TCTN1: variants seen among roughly 807,000 people sequenced by gnomAD.
The protein encoded by TCTN1 is tectonic-1.
TCTN1 carries 58 observed loss-of-function variants against 65.8 expected under a neutral mutation model. That is an observed-to-expected ratio of 0.88 (90% CI 0.71 to 1.10). The LOEUF (loss-of-function observed/expected upper bound fraction) is 1.10, where lower values mean the gene tolerates loss of function less well. Among genes scored for constraint, TCTN1 ranks in the 50% least tolerant of loss-of-function variants. The pLI, the probability that TCTN1 is intolerant of heterozygous loss-of-function variation, is 0.00. For missense variants in TCTN1, 645 were observed against 719.4 expected, an observed-to-expected ratio of 0.90 and a Z score of 1.18; for synonymous variants, 273 against 289.1, an observed-to-expected ratio of 0.94 and a Z score of 0.57.
chr12:110,636,668 A>T (rs1300152361), intron 7 of TCTN1, among the ~76,000 whole-genome samples, 167 bp downstream of exon 7: 1 of 152,146 alleles, frequency 6.6e-6, no homozygotes, highest in Non-Finnish European at 1.5e-5. Context: ...GAAACTCCTT[A>T]GTGGGAGTCA....
At chr12:110,638,978 C>CA (rs2066771328) in intron 7 of TCTN1, among the ~76,000 whole-genome samples, 1 of 152,238 alleles carries the variant, frequency 6.6e-6, no homozygotes, top group African/African-American at 2.4e-5. Context: ...CGTCACATGA[C>CA]AGCTCACGTC....
chr12:110,642,385 C>T lies in TCTN1; in HGVS notation c.1327C>T (p.Leu443=). ...FGYTMQSGCK[L]RLTGALPCQL... ...TTACACTATGCAATCTGGCTGTAAA[C>T]TAAGGTAAAAGAGTCACTTGTTTCT... Residue 443 remains leucine, a synonymous_variant, in exon 11 of 15, where the codon CTA becomes TTA. Coordinates refer to ENST00000397659, the MANE Select transcript of TCTN1 (RefSeq NM_001082538.3). 6.2e-7 allele frequency: 1 copy of T among 1,614,184 alleles called. No individual in the cohort carries two copies. Among genetic ancestry groups the T allele is most frequent in the Admixed American group, 1.7e-5 (1 of 60,022 alleles).
At chr12:110,622,904 G>A (rs957122875) in intron 2 of TCTN1, among the ~76,000 whole-genome samples, 3 of 152,136 alleles carry the variant, frequency 2.0e-5, no homozygotes, top group East Asian at 1.9e-4. Context: ...GCGGATTAAC[G>A]GTTTCCCTCC....
intron 14 of TCTN1, 143 bp from the exon 15 acceptor site, chr12:110,648,900 C>CTGA (rs1593414803): frequency 2.5e-6 from 1 of 398,132 alleles, no homozygotes; most frequent in East Asian, 7.5e-5. Flanking sequence ...TAGAAGCTGG[C>CTGA]TGATGCAGCT....
chr12:110,628,227 A>G, intron 3 of TCTN1: 1 of 1,535,712 alleles, frequency 6.5e-7, no homozygotes, highest in Non-Finnish European at 8.7e-7. Flanking sequence ...GTTTACTTGT[A>G]AGTGCTACAA....
At chr12:110,630,398 GGTCATCTT>G (rs1272538499) in intron 4 of TCTN1, 1 of 152,092 alleles carries the variant, frequency 6.6e-6, no homozygotes, top group Non-Finnish European at 1.5e-5. Flanking sequence ...TTGGTTGTCT[GGTCATCTT>G]CTCAAAATTG....
intron 7 of TCTN1, 81 bp downstream of exon 7, chr12:110,636,582 TAC>T (rs1257291297): frequency 6.8e-6 from 6 of 876,874 alleles, no homozygotes; most frequent in South Asian, 4.3e-5. Flanking sequence ...TTTAAATGAA[TAC>T]AGTTACAATT....
At chr12:110,635,472 C>T (rs2066505599) in intron 6 of TCTN1, among the ~76,000 whole-genome samples, 1 of 151,722 alleles carries the variant, frequency 6.6e-6, no homozygotes, top group Non-Finnish European at 1.5e-5. Flanking sequence ...AAAAAAAAAC[C>T]TTTTGTGTCA....
At chr12:110,642,161 C>G in intron 10 of TCTN1, 88 bp from the exon 11 acceptor site, 1 of 1,564,862 alleles carries the variant, frequency 6.4e-7, no homozygotes, top group African/African-American at 1.4e-5. Flanking sequence ...ATTTGGGTCT[C>G]CCTCATGTCA....
intron 4 of TCTN1, chr12:110,629,342 A>G (rs575691095): frequency 1.6e-5 from 3 of 190,620 alleles, no homozygotes; most frequent in Admixed American, 5.8e-5. Flanking sequence ...TTTGCAATCT[A>G]TCCATATGAC....
chr12:110,647,051 C>A, intron 12 of TCTN1, 145 bp from the exon 13 acceptor site: 1 of 950,338 alleles, frequency 1.1e-6, no homozygotes. Flanking sequence ...CGTATATTCT[C>A]TAAGCTGTTT....
chr12:110,642,482 C>T (rs1434547258), intron 11 of TCTN1, 93 bp downstream of exon 11: 2 of 1,562,366 alleles, frequency 1.3e-6, no homozygotes, highest in African/African-American at 2.7e-5. Flanking sequence ...TCTGCATCAG[C>T]TGATGAGCTC....
rs538678326 is a variant in TCTN1 at position 110,626,434 on chromosome 12, A to G, written c.414A>G (p.Arg138=). The change falls in exon 3 of 15, where the codon AGA becomes AGG. Residue 138 remains arginine (R), a synonymous_variant. Coordinates refer to ENST00000397659, the MANE Select transcript of TCTN1 (RefSeq NM_001082538.3). ...SLNFTANPPQ[R]VFELVDQINP... ...ATTTTACAGCAAACCCACCTCAAAG[A>G]GTATTTGAACTTGTTGACCAGATTA... 1 of 1,611,808 alleles carries G rather than the reference A, an allele frequency of 6.2e-7. No individual in the cohort carries two copies. The highest frequency in any genetic ancestry group is 1.3e-5 in the African/African-American group (1 of 75,014).
At chr12:110,623,764 T>C (rs2065617775) in intron 2 of TCTN1, among the ~76,000 whole-genome samples, 1 of 152,070 alleles carries the variant, frequency 6.6e-6, no homozygotes, top group Non-Finnish European at 1.5e-5. Context: ...AATTTTTTCT[T>C]TGTTTTCTGT....
intron 6 of TCTN1, chr12:110,635,811 A>C (rs1487761298): frequency 6.6e-6 from 1 of 152,276 alleles, no homozygotes; most frequent in African/African-American, 2.4e-5. Context: ...CTCTCCCCTC[A>C]TTTTCTCTCT....
At position 110,640,267 on chromosome 12, in the gene TCTN1, C is replaced by G; in HGVS notation, c.844-116C>G. 8.3e-7 allele frequency: 1 copy of G among 1,207,598 alleles called. No individual in the cohort carries two copies. The highest frequency in any genetic ancestry group is 1.5e-5 in the African/African-American group (1 of 67,124). The allele number at this position is 1,207,598 out of a possible 1,614,324, so 74.8% of individuals were successfully genotyped here. ...TCATAGTATATACACTGTTGTGTAG[C>G]ATGCTTCCCCCTACTTGGCCATATA... On this transcript the variant is annotated intron_variant, in intron 7 of 14. Coordinates refer to ENST00000397659, the MANE Select transcript of TCTN1 (RefSeq NM_001082538.3). This position sits in a 1 kb window ranked among gnomAD's most constrained non-coding sequence, Gnocchi z 4.9.
chr12:110,641,839 C>T (rs1566002071), intron 10 of TCTN1: 4 of 570,904 alleles, frequency 7.0e-6, no homozygotes, highest in Non-Finnish European at 1.2e-5. Context: ...TGAGACAGCA[C>T]GTCCTGGGAA....
At position 110,642,271 on chromosome 12, in the gene TCTN1, A is replaced by G. The variant is rs1331400682; in HGVS notation, c.1213A>G (p.Asn405Asp). 3 of 1,614,212 alleles carry G rather than the reference A, an allele frequency of 1.9e-6. No homozygotes were observed. The highest frequency in any genetic ancestry group is 2.7e-5 in the African/African-American group (2 of 75,044). The change falls in exon 11 of 15, where the codon AAT (asparagine) becomes GAT (aspartate). Residue 405 changes from asparagine to aspartate, a missense_variant. Asn to Asp is a conservative substitution (Grantham distance 23, BLOSUM62 1). Transcript: ENST00000397659. ...HKGSGIIQTTNRYGQLTILHS... is the reference protein window; with the variant it reads ...HKGSGIIQTTDRYGQLTILHS... ...AATGTCTGGGATTATTCAGACCACA[A>G]ATAGATATGGACAGCTTACTATTCT...
rs1353851965 is a variant in TCTN1 at position 110,626,211 on chromosome 12, CCCAAGTAGCTGGG to C, written c.342-150_342-138del. On this transcript the variant is annotated intron_variant, in intron 2 of 14. Coordinates refer to ENST00000397659, the MANE Select transcript of TCTN1 (RefSeq NM_001082538.3). Reference sequence around the variant, plus strand: ...TCATGCCATTCTCCCGCCTCAGCCTCCCAAGTAGCTGGGACGTCATGCTTTCATAAATATCCTC... The same window carrying C: ...TCATGCCATTCTCCCGCCTCAGCCTCACGTCATGCTTTCATAAATATCCTC... The C allele has an allele frequency of 7.6e-6, 7 of 924,074 alleles. No individual in the cohort carries two copies. In the East Asian group the frequency reaches 2.1e-4, roughly 28 times the overall value. The allele number at this position is 924,074 out of a possible 1,614,324, so 57.2% of individuals were successfully genotyped here. A position where few individuals can be genotyped will look rare whatever the true frequency, so the allele number is the denominator to read the frequency against.
Sources: gnomAD v4.1 joint callset for allele counts (sites outside exome capture counted in the v4.1 genomes callset) on GRCh38, gnomAD v4.1.1 for gene constraint, Gnocchi (gnomAD v3.1) non-coding constraint, MANE v1.5 for transcripts, NCBI Gene and HGNC (gene_info 2026-07-23, HGNC 2026-07-21) for gene names.